Variants in CACNA1H observed in about 807,000 individuals in gnomAD.
CACNA1H encodes voltage-dependent T-type calcium channel subunit alpha-1H.
CACNA1H carries 149 observed loss-of-function variants against 192.5 expected under a neutral mutation model. The ratio of observed to expected loss-of-function variants is 0.77; its 90% confidence interval spans 0.68 to 0.89. The LOEUF (loss-of-function observed/expected upper bound fraction) is 0.89, where lower values mean the gene tolerates loss of function less well. Among genes scored for constraint, CACNA1H ranks in the 40% least tolerant of loss-of-function variants. The probability of loss-of-function intolerance (pLI) is 0.00; values close to 1 mark genes in which losing one functional copy is unlikely to be tolerated. For synonymous variants in CACNA1H, 2,202 were observed against 1,475.2 expected (o/e 1.49, Z -11.29); for missense variants, 4,257 against 3,423.5 (o/e 1.24, Z -6.08).
chr16:1,219,160 G>T (rs1326807100), intron 34 of CACNA1H, 30 bp downstream of exon 34: 1 of 1,497,902 alleles, frequency 6.7e-7, no homozygotes, highest in Admixed American at 2.2e-5. Flanking sequence ...TGCAGCAGAG[G>T]CTGGCGGGGA....
In CACNA1H at chr16:1,220,966, C is replaced by G; in HGVS notation, c.7034C>G (p.Pro2345Arg). The G allele has an allele frequency of 6.2e-7, 1 of 1,603,024 alleles. No individual in the cohort carries two copies. ...KPGSPSATPA[P>R]GGGADDPV ...GGGTCCCCCTCAGCCACCCCTGCCC[C>G]AGGGGGTGGTGCAGATGACCCCGTG... Residue 2345 changes from proline to arginine, a missense_variant, in exon 35 of 35, where the codon CCA becomes CGA. Physicochemically the swap from Pro to Arg is moderately radical, Grantham distance 103. Transcript: ENST00000348261.
chr16:1,201,280 C>T lies in CACNA1H; in HGVS notation c.1213-383C>T, dbSNP rs1053522718. Among the ~76,000 whole-genome samples the T allele has an allele frequency of 5.3e-5, 8 of 152,176 alleles. 1 individual carries two copies. In the South Asian group the frequency reaches 1.2e-3, roughly 24 times the overall value. ...GCTTGTTCTGAGAGAGCAAGCGAAGCGAACGATTAGAGACTTGCTGCACGC... is the reference window on the plus strand; with the variant it reads ...GCTTGTTCTGAGAGAGCAAGCGAAGTGAACGATTAGAGACTTGCTGCACGC... On this transcript the variant is annotated intron_variant, in intron 8 of 34. Transcript: ENST00000348261.
At chr16:1,219,401 G>T (rs1226413750) in intron 34 of CACNA1H, among the ~76,000 whole-genome samples, 2 of 151,808 alleles carry the variant, frequency 1.3e-5, no homozygotes, top group Admixed American at 1.3e-4. Flanking sequence ...CCCCACGGTG[G>T]GCAGACAGCG....
In CACNA1H at chr16:1,207,738, C is replaced by T. The variant is rs368609365; in HGVS notation, c.3064-32C>T. ...TGAAGGGTCCCCACTCACGGGGCCCCTCATGCCTGCCTTGTGCTTTGTTGG... is the reference window on the plus strand; with the variant it reads ...TGAAGGGTCCCCACTCACGGGGCCCTTCATGCCTGCCTTGTGCTTTGTTGG... On this transcript the variant is annotated intron_variant, in intron 14 of 34. Transcript: ENST00000348261. 20 of 1,560,234 alleles carry T rather than the reference C, an allele frequency of 1.3e-5. No homozygotes were observed. The African/African-American group carries it at 2.2e-4, about 17-fold the overall frequency.
In CACNA1H at chr16:1,210,057, A is replaced by G. The variant is rs1377394984; in HGVS notation, c.3767A>G (p.Lys1256Arg). The G allele has an allele frequency of 1.3e-6, 2 of 1,553,304 alleles. No homozygotes were observed. The highest frequency in any genetic ancestry group is 1.7e-6 in the Non-Finnish European group (2 of 1,148,982). Residue 1256 changes from lysine to arginine, a missense_variant, in exon 18 of 35, where the codon AAA becomes AGA. Transcript: ENST00000348261. ...CAGAGCTGCTGCCTCCGCCTGCATA[A>G]AGTGCTGGAGCCCTACAAGCCCCAG... ...SEDSCCLRLHKVLEPYKPQWC... is the reference protein window; with the variant it reads ...SEDSCCLRLHRVLEPYKPQWC...
At position 1,210,849 on chromosome 16, in the gene CACNA1H, G is replaced by A. The variant is rs1352275985; in HGVS notation, c.4101G>A (p.Leu1367=). 1 of 1,605,360 alleles carries A rather than the reference G, an allele frequency of 6.2e-7. No individual in the cohort carries two copies. Among genetic ancestry groups the A allele is most frequent in the African/African-American group, 1.3e-5 (1 of 75,062 alleles). The part of the protein sequence containing the change: ...HAYLQSSWNL[L]DGLLVLVSLV... ...ACCTGCAGAGCAGCTGGAACCTGCT[G>A]GATGGGCTGCTGGTGCTGGTGTCCC... The change falls in exon 21 of 35, where the codon CTG becomes CTA. Residue 1367 remains leucine (L), a synonymous_variant. Transcript: ENST00000348261.
rs144236716 is a variant in CACNA1H at position 1,196,107 on chromosome 16, G to A, written c.643+84G>A. On this transcript the variant is annotated intron_variant, in intron 5 of 34. Coordinates refer to ENST00000348261, the MANE Select transcript of CACNA1H (RefSeq NM_021098.3). ...GCAGAGCTCTCAAAAGGGCCCCCAG[G>A]AGCACAGGACTGGGAAATGAAGGTT... 48 of 1,097,446 alleles carry A rather than the reference G, an allele frequency of 4.4e-5. No homozygotes were observed. The African/African-American group carries it at 5.6e-4, about 13-fold the overall frequency. The allele number at this position is 1,097,446 out of a possible 1,614,324, so 68.0% of individuals were successfully genotyped here. A position where few individuals can be genotyped will look rare whatever the true frequency, so the allele number is the denominator to read the frequency against.
chr16:1,161,938 A>G (rs2151653548), intron 2 of CACNA1H, among the ~76,000 whole-genome samples: 1 of 152,174 alleles, frequency 6.6e-6, no homozygotes, highest in African/African-American at 2.4e-5. Flanking sequence ...ATCTTTCTAG[A>G]AGGCAGCAGA....
At chr16:1,211,124 C>T (rs372634083) in intron 21 of CACNA1H, 44 bp from the exon 22 acceptor site, 10 of 1,600,296 alleles carry the variant, frequency 6.2e-6, no homozygotes, top group East Asian at 4.5e-5. Context: ...CGCCTGGCAG[C>T]TGCTGCCATA....
Position 1,220,317 on chromosome 16 carries a change from G to A in CACNA1H, c.6385G>A (p.Glu2129Lys), listed in dbSNP as rs369185359. 2.0e-4 allele frequency: 309 copies of A among 1,559,208 alleles called. No individual in the cohort carries two copies. Among genetic ancestry groups the A allele is most frequent in the Non-Finnish European group, 2.5e-4 (290 of 1,160,268 alleles). The change falls in exon 35 of 35, where the codon GAG becomes AAG. Residue 2129 changes from glutamate to lysine, a missense_variant. Coordinates refer to ENST00000348261, the MANE Select transcript of CACNA1H (RefSeq NM_021098.3). The part of the protein sequence containing the change: ...GPEASPVAGG[E>K]RDLRRLYSVD... ...CGAAGCCTCTCCGGTGGCCGGCGGC[G>A]AGCGGGACCTGCGCAGGCTCTACAG... is the stretch of plus-strand genomic sequence containing the variant.
intron 2 of CACNA1H, among the ~76,000 whole-genome samples, chr16:1,190,111 C>T (rs573128561): frequency 5.9e-5 from 9 of 152,298 alleles, no homozygotes; most frequent in African/African-American, 2.2e-4. Context: ...AGGGAGACCC[C>T]GTAGCCAAGA....
In CACNA1H at chr16:1,205,300, C is replaced by T. The variant is rs28365120; in HGVS notation, c.2603+35C>T. The T allele has an allele frequency of 1.6e-3, 2,443 of 1,570,542 alleles. 26 individuals are homozygous for T. In the African/African-American group the frequency reaches 0.027, roughly 18 times the overall value. ...CACCCTCTCCCCAGGAAGAGGGGCC[C>T]GGGAAGCTCCACTCTCTGGCAGAAA... is the stretch of plus-strand genomic sequence containing the variant. On this transcript the variant is annotated intron_variant, in intron 11 of 34. Coordinates refer to ENST00000348261, the MANE Select transcript of CACNA1H (RefSeq NM_021098.3).
At chr16:1,176,682 C>T (rs1964922345) in intron 2 of CACNA1H, among the ~76,000 whole-genome samples, 1 of 152,180 alleles carries the variant, frequency 6.6e-6, no homozygotes, top group South Asian at 2.1e-4. Flanking sequence ...TGATGGGGGT[C>T]CGGGGGCCGG....
Position 1,202,121 on chromosome 16 carries a change from C to G in CACNA1H, c.1671C>G (p.Pro557=), listed in dbSNP as rs747661532. ...DTRLVRAGAP[P]SPPSPGRGPP... ...GGCTGGTCCGAGCTGGCGCGCCCCC[C>G]TCGCCACCTTCCCCAGGCCGCGGAC... is the stretch of plus-strand genomic sequence containing the variant. Residue 557 remains proline (P), a synonymous_variant, in exon 9 of 35, where the codon CCC becomes CCG. Transcript: ENST00000348261. 3.7e-5 allele frequency: 58 copies of G among 1,547,034 alleles called. 1 individual carries two copies. The highest frequency in any genetic ancestry group is 5.0e-5 in the Non-Finnish European group (57 of 1,145,996).
chr16:1,204,699 T>A (rs1364748851), intron 10 of CACNA1H, among the ~76,000 whole-genome samples: 1 of 151,064 alleles, frequency 6.6e-6, no homozygotes, highest in Non-Finnish European at 1.5e-5. Context: ...TTTGAGATGC[T>A]GCTGCAGCCC....
rs1969122865 is a variant in CACNA1H at position 1,209,185 on chromosome 16, G to C, written c.3517G>C (p.Gly1173Arg). Reference protein sequence around the residue: ...RESLLSGEGKGSTDDEAEDGR... With the variant: ...RESLLSGEGKRSTDDEAEDGR... ...GTCCCTGCTGTCTGGCGAGGGCAAG[G>C]GCAGCACCGACGACGAAGCTGAGGA... is the stretch of plus-strand genomic sequence containing the variant. Residue 1173 changes from glycine to arginine, a missense_variant, in exon 17 of 35, where the codon GGC becomes CGC. Gly to Arg is a moderately radical substitution (Grantham distance 125). Transcript: ENST00000348261. 6.4e-7 allele frequency: 1 copy of C among 1,553,114 alleles called. No homozygotes were observed. Among genetic ancestry groups the C allele is most frequent in the South Asian group, 1.2e-5 (1 of 84,190 alleles).
At chr16:1,210,240 T>G (rs1969266720) in intron 18 of CACNA1H, 105 bp downstream of exon 18, 2 of 1,248,604 alleles carry the variant, frequency 1.6e-6, no homozygotes, top group Non-Finnish European at 2.3e-6. Flanking sequence ...TATTTCCGAG[T>G]GGGCACCCCT....
intron 2 of CACNA1H, among the ~76,000 whole-genome samples, chr16:1,161,711 C>T (rs932244436): frequency 2.6e-5 from 4 of 152,302 alleles, no homozygotes; most frequent in Middle Eastern, 3.4e-3. Context: ...GATGCGGTCC[C>T]GGGAGATAGG....
intron 26 of CACNA1H, among the ~76,000 whole-genome samples, 181 bp from the exon 27 acceptor site, chr16:1,213,598 GT>G (rs1266001117): frequency 4.6e-5 from 7 of 152,130 alleles, no homozygotes; most frequent in Non-Finnish European, 8.8e-5. Context: ...TCCTGAGAGA[GT>G]CCCCCTTCTC....
Sources: gnomAD v4.1 joint callset for allele counts (sites outside exome capture counted in the v4.1 genomes callset) on GRCh38, gnomAD v4.1.1 for gene constraint, MANE v1.5 for transcripts, NCBI Gene and HGNC (gene_info 2026-07-23, HGNC 2026-07-21) for gene names.